Variants in NOL10 observed in about 807,000 individuals in gnomAD.
The protein encoded by NOL10 is H_NH0074G24.1.
A neutral mutation model predicts 103.5 loss-of-function variants in NOL10; 58 were observed. That is an observed-to-expected ratio of 0.56 (90% CI 0.45 to 0.70). The LOEUF (loss-of-function observed/expected upper bound fraction) is 0.70. Among genes scored for constraint, NOL10 ranks in the 30% least tolerant of loss-of-function variants. The pLI is 0.00. For synonymous variants in NOL10, 287 were observed against 282.5 expected (o/e 1.02, Z -0.16); for missense variants, 763 against 807.3 (o/e 0.95, Z 0.67).
At chr2:10,670,623 T>C (rs1680869715) in intron 6 of NOL10, among the ~76,000 whole-genome samples, 2 of 152,066 alleles carry the variant, frequency 1.3e-5, no homozygotes, top group Admixed American at 1.3e-4. Context: ...TAGTCTCAGC[T>C]ACTCAGGAGG....
At chr2:10,608,181 ATAAT>A (rs1395667166) in intron 13 of NOL10, among the ~76,000 whole-genome samples, 2 of 152,220 alleles carry the variant, frequency 1.3e-5, no homozygotes, top group African/African-American at 4.8e-5. Context: ...CCATTTAAAA[ATAAT>A]TAGTTGATTT....
intron 9 of NOL10, among the ~76,000 whole-genome samples, chr2:10,662,032 C>T (rs190045351): frequency 4.0e-4 from 61 of 152,216 alleles, no homozygotes; most frequent in Non-Finnish European, 7.9e-4. Context: ...CAGTATGGCT[C>T]GCTTTTCCAC....
At chr2:10,642,090 G>A (rs544027406) in intron 13 of NOL10, among the ~76,000 whole-genome samples, 2 of 152,324 alleles carry the variant, frequency 1.3e-5, no homozygotes, top group South Asian at 4.2e-4. Context: ...GAAAAGGTTA[G>A]GGGCAAGCTG....
chr2:10,663,174 C>T (rs183888604), intron 8 of NOL10, 130 bp from the exon 9 acceptor site: 4 of 637,726 alleles, frequency 6.3e-6, no homozygotes, highest in African/African-American at 1.8e-5. Context: ...TGAGACTAGT[C>T]TGACTAACAT....
intron 3 of NOL10, 139 bp from the exon 4 acceptor site, chr2:10,676,010 C>T (rs1245532290): frequency 2.2e-6 from 1 of 461,070 alleles, no homozygotes; most frequent in East Asian, 3.4e-5. Context: ...GTAAAAGCAG[C>T]CCCTCTCAAA....
At chr2:10,603,429 G>A (rs972486653) in intron 14 of NOL10, among the ~76,000 whole-genome samples, 11 of 152,144 alleles carry the variant, frequency 7.2e-5, no homozygotes, top group African/African-American at 2.4e-4. Flanking sequence ...TACCCTCTGA[G>A]TGGTCCTCAG....
At chr2:10,663,118 G>C (rs1287942493) in intron 8 of NOL10, 74 bp from the exon 9 acceptor site, 1 of 1,267,286 alleles carries the variant, frequency 7.9e-7, no homozygotes, top group Non-Finnish European at 1.1e-6. Flanking sequence ...TGTAATCCCA[G>C]CACTTTGGGA....
chr2:10,682,357 A>C (rs1681829299), intron 2 of NOL10, among the ~76,000 whole-genome samples: 2 of 152,154 alleles, frequency 1.3e-5, no homozygotes, highest in Admixed American at 1.3e-4. Flanking sequence ...CAGTGTATCA[A>C]ACATCCAGTG....
chr2:10,660,718 T>C (rs191900678), intron 9 of NOL10, among the ~76,000 whole-genome samples: 1 of 152,352 alleles, frequency 6.6e-6, no homozygotes, highest in East Asian at 1.9e-4. Flanking sequence ...TCACTGATTT[T>C]TGAACATTTT....
chr2:10,604,259 C>A (rs547418933), intron 14 of NOL10, among the ~76,000 whole-genome samples: 2 of 152,056 alleles, frequency 1.3e-5, no homozygotes, highest in Non-Finnish European at 2.9e-5. Flanking sequence ...GGTTGGGGAC[C>A]CCTGGTATAA....
At position 10,689,885 on chromosome 2, in the gene NOL10, T is replaced by A; in HGVS notation, c.-24A>T. The A allele has an allele frequency of 1.3e-6, 2 of 1,592,744 alleles. No individual in the cohort carries two copies. The highest frequency in any genetic ancestry group is 1.7e-6 in the Non-Finnish European group (2 of 1,169,698). On this transcript the variant is annotated 5_prime_UTR_variant, in exon 1 of 21. Transcript: ENST00000381685. ...ATGGCGCCGCACAACACTGTTCAAG[T>A]CCCGGGTCCTTTCCCACCAGCGTGC... is the stretch of plus-strand genomic sequence containing the variant.
Position 10,641,060 on chromosome 2 carries a change from C to T in NOL10, c.1026+3260G>A, listed in dbSNP as rs182405233. The stretch of plus-strand genomic sequence containing the variant: ...TTAGGGCCAGGTGCGGTGGCTCATG[C>T]CTGTAATCCCAGCACTTCAGGAGGC... On this transcript the variant is annotated intron_variant, in intron 13 of 20. Coordinates refer to ENST00000381685, the MANE Select transcript of NOL10 (RefSeq NM_024894.4). 2.1e-3 allele frequency among the ~76,000 whole-genome samples: 322 copies of T among 151,772 alleles called. 2 individuals carry two copies. The highest frequency in any genetic ancestry group is 7.5e-3 in the African/African-American group (311 of 41,326).
chr2:10,587,182 C>T (rs1210079207), intron 19 of NOL10, among the ~76,000 whole-genome samples: 7 of 42,330 alleles, frequency 1.7e-4, no homozygotes, highest in African/African-American at 8.5e-4. Flanking sequence ...TATATATACA[C>T]ATATATATAC....
intron 3 of NOL10, 45 bp from the exon 4 acceptor site, chr2:10,675,916 T>G: frequency 2.9e-6 from 3 of 1,018,182 alleles, no homozygotes; most frequent in Non-Finnish European, 4.4e-6. Flanking sequence ...CATACTTTCA[T>G]AGTCAAAACA....
At chr2:10,633,196 C>T (rs1677955249) in intron 13 of NOL10, among the ~76,000 whole-genome samples, 1 of 152,034 alleles carries the variant, frequency 6.6e-6, no homozygotes, top group African/African-American at 2.4e-5. Context: ...AACAGCAGAA[C>T]TTGGCTGTGT....
intron 17 of NOL10, among the ~76,000 whole-genome samples, chr2:10,596,362 A>G (rs1335852035): frequency 5.3e-5 from 8 of 152,030 alleles, no homozygotes; most frequent in Admixed American, 5.2e-4. Flanking sequence ...CAATGAAATA[A>G]TTATACAACT....
intron 13 of NOL10, among the ~76,000 whole-genome samples, chr2:10,631,594 C>G (rs139687288): frequency 6.6e-6 from 1 of 152,168 alleles, no homozygotes; most frequent in African/African-American, 2.4e-5. Context: ...CCAAACACAA[C>G]GATTGCATCA....
intron 13 of NOL10, among the ~76,000 whole-genome samples, chr2:10,617,058 G>T (rs746726121): frequency 1.3e-5 from 2 of 152,212 alleles, no homozygotes; most frequent in African/African-American, 2.4e-5. Flanking sequence ...CCAGAAAGGG[G>T]AAACTACAAA....
intron 14 of NOL10, among the ~76,000 whole-genome samples, chr2:10,604,437 G>A (rs147554516): frequency 5.9e-5 from 9 of 152,132 alleles, no homozygotes; most frequent in Non-Finnish European, 8.8e-5. Context: ...TTCTCATAAC[G>A]GAATTCTAAA....
Sources: gnomAD v4.1 joint callset for allele counts (sites outside exome capture counted in the v4.1 genomes callset) on GRCh38, gnomAD v4.1.1 for gene constraint, MANE v1.5 for transcripts, NCBI Gene and HGNC (gene_info 2026-07-23, HGNC 2026-07-21) for gene names.